FOXP2: variants seen among roughly 807,000 people sequenced by gnomAD.
FOXP2 encodes the protein forkhead box protein P2.
Under a neutral mutation model 115.8 loss-of-function variants are expected in FOXP2, and 12 were observed. That is an observed-to-expected ratio of 0.10 (90% CI 0.07 to 0.17). The LOEUF (loss-of-function observed/expected upper bound fraction) is 0.17, where lower values mean the gene tolerates loss of function less well. FOXP2 is among the 10% of genes least tolerant of loss of function. The pLI, the probability that FOXP2 is intolerant of heterozygous loss-of-function variation, is 1.00. For synonymous variants in FOXP2, 328 were observed against 297.7 expected, an observed-to-expected ratio of 1.10 and a Z score of -1.05; for missense variants, 629 against 843.5, an observed-to-expected ratio of 0.75 and a Z score of 3.15.
intron 2 of FOXP2, among the ~76,000 whole-genome samples, chr7:114,399,140 T>A (rs1792814955): frequency 6.8e-6 from 1 of 146,894 alleles, no homozygotes; most frequent in Non-Finnish European, 1.5e-5. Flanking sequence ...AGACAGAGAG[T>A]CCTGTTGCCC....
chr7:114,584,695 G>T (rs1209542390), intron 3 of FOXP2, among the ~76,000 whole-genome samples: 2 of 152,102 alleles, frequency 1.3e-5, no homozygotes, highest in African/African-American at 4.8e-5. Context: ...CCACCACCAT[G>T]GCTTTGCCCA....
At chr7:114,112,565 G>T (rs1791300040) in intron 1 of FOXP2, among the ~76,000 whole-genome samples, 1 of 152,096 alleles carries the variant, frequency 6.6e-6, no homozygotes, top group African/African-American at 2.4e-5. Context: ...CTCCCAAAGT[G>T]CTGGGATTAC....
intron 1 of FOXP2, among the ~76,000 whole-genome samples, chr7:114,174,291 G>A (rs1021525246): frequency 6.6e-6 from 1 of 151,900 alleles, no homozygotes; most frequent in Non-Finnish European, 1.5e-5. Flanking sequence ...ATTAAATTCA[G>A]AGGGAAAGAA....
intron 2 of FOXP2, among the ~76,000 whole-genome samples, chr7:114,298,255 G>A (rs1457698719): frequency 6.6e-6 from 1 of 152,116 alleles, no homozygotes; most frequent in Non-Finnish European, 1.5e-5. Flanking sequence ...GTCATTTCCT[G>A]TGCTCACCCT....
chr7:114,553,481 C>A (rs952250306), intron 3 of FOXP2, among the ~76,000 whole-genome samples: 7 of 152,068 alleles, frequency 4.6e-5, no homozygotes, highest in African/African-American at 1.2e-4. Flanking sequence ...CTTTGTTGCT[C>A]CAGTTCATTA....
intron 1 of FOXP2, among the ~76,000 whole-genome samples, chr7:114,179,739 A>G (rs1006719806): frequency 6.6e-6 from 1 of 151,996 alleles, no homozygotes; most frequent in Admixed American, 6.6e-5. Flanking sequence ...AAAAGTCAAA[A>G]ATAGTTCCAT....
At chr7:114,370,108 C>T (rs901041834) in intron 2 of FOXP2, among the ~76,000 whole-genome samples, 1 of 152,258 alleles carries the variant, frequency 6.6e-6, no homozygotes, top group Admixed American at 6.5e-5. Context: ...CTTTGTATGG[C>T]CCCTGCTTTA....
At chr7:114,218,631 G>A (rs1021716012) in intron 1 of FOXP2, among the ~76,000 whole-genome samples, 3 of 152,106 alleles carry the variant, frequency 2.0e-5, no homozygotes, top group Non-Finnish European at 2.9e-5. Flanking sequence ...TGAGAAAGAA[G>A]ATAGAATAAA....
chr7:114,323,093 G>A (rs1436224208), intron 2 of FOXP2, among the ~76,000 whole-genome samples: 1 of 152,008 alleles, frequency 6.6e-6, no homozygotes, highest in Non-Finnish European at 1.5e-5. Flanking sequence ...TATATATCAA[G>A]GCATGTCTAT....
At position 114,403,051 on chromosome 7, in the gene FOXP2, G is replaced by A. The variant is rs75387979; in HGVS notation, c.-10-23451G>A. On this transcript the variant is annotated intron_variant, in intron 2 of 17. Transcript: ENST00000634411. ...CACAATCCCTTATCTCAAGTCCTTG[G>A]GGGATGCATTTCAAAATTCAGAATT... Among the ~76,000 whole-genome samples, 1,101 of 152,112 alleles carry A rather than the reference G, an allele frequency of 7.2e-3. 15 individuals are homozygous for A. Among genetic ancestry groups the A allele is most frequent in the African/African-American group, 0.025 (1,040 of 41,498 alleles).
At chr7:114,275,786 C>T (rs1007941622) in intron 1 of FOXP2, among the ~76,000 whole-genome samples, 2 of 152,136 alleles carry the variant, frequency 1.3e-5, no homozygotes, top group African/African-American at 4.8e-5. Context: ...GCAAAAGAAA[C>T]TGCTGTAAAT....
At chr7:114,492,537 T>C (rs903309898) in intron 2 of FOXP2, among the ~76,000 whole-genome samples, 1 of 152,200 alleles carries the variant, frequency 6.6e-6, no homozygotes, top group Non-Finnish European at 1.5e-5. Context: ...CTGCTTTCTC[T>C]TGTGGGCATT....
At chr7:114,409,275 G>A (rs1001642439), upstream of FOXP2, among the ~76,000 whole-genome samples, 12 of 151,894 alleles carry the variant, frequency 7.9e-5, no homozygotes, top group South Asian at 2.1e-4. Flanking sequence ...ATGAGAAATC[G>A]TTAGTATAAA....
chr7:114,206,555 T>C (rs1187090127), intron 1 of FOXP2, among the ~76,000 whole-genome samples: 1 of 152,126 alleles, frequency 6.6e-6, no homozygotes, highest in African/African-American at 2.4e-5. Context: ...CCTCCAGTAG[T>C]CTTCATCTGT....
At chr7:114,479,034 A>G (rs1421889749) in intron 2 of FOXP2, among the ~76,000 whole-genome samples, 1 of 151,770 alleles carries the variant, frequency 6.6e-6, no homozygotes, top group African/African-American at 2.4e-5. Context: ...TTTCTGTGCT[A>G]TGGTGACCAA....
At chr7:114,194,475 ATTTTGTTTTGC>A (rs909316631) in intron 1 of FOXP2, among the ~76,000 whole-genome samples, 1 of 151,360 alleles carries the variant, frequency 6.6e-6, no homozygotes, top group African/African-American at 2.4e-5. Flanking sequence ...ATCTTTTTAA[ATTTTGTTTTGC>A]TTTTGTATAT....
chr7:114,269,639 TA>T (rs1795986639), intron 1 of FOXP2, among the ~76,000 whole-genome samples: 1 of 152,172 alleles, frequency 6.6e-6, no homozygotes, highest in African/African-American at 2.4e-5. Context: ...TTTGCTTGTT[TA>T]AAAATTTACT....
intron 1 of FOXP2, among the ~76,000 whole-genome samples, chr7:114,422,657 A>G (rs1238646602): frequency 6.6e-6 from 1 of 151,674 alleles, no homozygotes; most frequent in African/African-American, 2.4e-5. Context: ...AAGTTGAGTA[A>G]GCAACAAGGA....
At chr7:114,318,726 T>TATATATATATATATATATATACAC (rs1417603943) in intron 2 of FOXP2, among the ~76,000 whole-genome samples, 1 of 151,086 alleles carries the variant, frequency 6.6e-6, no homozygotes, top group African/African-American at 2.4e-5. Flanking sequence ...TATATATATA[T>TATATATATATATATATATATACAC]ACACACACAC....
Sources: gnomAD v4.1 joint callset for allele counts (sites outside exome capture counted in the v4.1 genomes callset) on GRCh38, gnomAD v4.1.1 for gene constraint, MANE v1.5 for transcripts, NCBI Gene and HGNC (gene_info 2026-07-23, HGNC 2026-07-21) for gene names.